Variants in ARID4B observed in about 807,000 individuals in gnomAD.
The protein encoded by ARID4B is AT-rich interaction domain 4B, also known as AT-rich interactive domain-containing protein 4B.
A neutral mutation model predicts 147.5 loss-of-function variants in ARID4B; 26 were observed. The observed-to-expected ratio is 0.18, with a 90% CI of 0.13 to 0.24. ARID4B has a LOEUF of 0.24. Ranked by LOEUF, ARID4B falls within the 10% of genes least tolerant of loss-of-function variation. The pLI is 1.00. For missense variants in ARID4B, 1,179 were observed against 1,511.5 expected (o/e 0.78, Z 3.65); for synonymous variants, 512 against 507.9 (o/e 1.01, Z -0.11).
intron 22 of ARID4B, among the ~76,000 whole-genome samples, chr1:235,173,945 T>C (rs911268658): frequency 3.3e-5 from 5 of 150,354 alleles, no homozygotes; most frequent in Admixed American, 2.0e-4. Context: ...TAATCATCAA[T>C]TTATGGCAAA....
chr1:235,292,725 A>G (rs1318836904), intron 2 of ARID4B, among the ~76,000 whole-genome samples: 1 of 152,210 alleles, frequency 6.6e-6, no homozygotes, highest in Non-Finnish European at 1.5e-5. Flanking sequence ...GGTAAGGTAA[A>G]ACTCATCCAG....
chr1:235,284,220 C>T (rs1430113437), intron 2 of ARID4B, among the ~76,000 whole-genome samples: 1 of 152,094 alleles, frequency 6.6e-6, no homozygotes, highest in African/African-American at 2.4e-5. Flanking sequence ...ATTAGCTGGA[C>T]GTGGTGGCAG....
Position 235,182,612 on chromosome 1 carries a change from C to T in ARID4B, c.2307G>A (p.Leu769=). 3 of 1,613,404 alleles carry T rather than the reference C, an allele frequency of 1.9e-6. No homozygotes were observed. Among genetic ancestry groups the T allele is most frequent in the Non-Finnish European group, 2.5e-6 (3 of 1,179,876 alleles). ...ATTTTGACACTGGTTTGGATATTAC[C>T]AAATCTGCATGAACTTTGTTTTCTT... ...LLEENKVHAD[L]VISKPVSKSP... is the part of the protein sequence containing the mutation. The change falls in exon 20 of 24, where the codon TTG becomes TTA. Residue 769 remains leucine (L), a synonymous_variant. Transcript: ENST00000264183.
chr1:235,319,017 T>A (rs996317591), intron 2 of ARID4B, among the ~76,000 whole-genome samples: 1 of 152,032 alleles, frequency 6.6e-6, no homozygotes, highest in African/African-American at 2.4e-5. Context: ...TAGCTAGGGA[T>A]AAGTAACGTG....
intron 2 of ARID4B, among the ~76,000 whole-genome samples, chr1:235,299,027 G>A (rs1196736349): frequency 6.6e-6 from 1 of 152,128 alleles, no homozygotes; most frequent in Non-Finnish European, 1.5e-5. Context: ...GCAGAGGCAA[G>A]AGGATGGCTT....
chr1:235,236,401 T>G (rs762313965), intron 8 of ARID4B, among the ~76,000 whole-genome samples: 7 of 152,054 alleles, frequency 4.6e-5, no homozygotes, highest in Non-Finnish European at 7.4e-5. Context: ...AACTTTTTAG[T>G]GATTATGGTG....
chr1:235,309,529 C>T (rs1291562195), intron 2 of ARID4B, among the ~76,000 whole-genome samples: 5 of 148,142 alleles, frequency 3.4e-5, no homozygotes, highest in Admixed American at 6.7e-5. Flanking sequence ...CCCGGCCAGC[C>T]GCCCCGTCCG....
chr1:235,303,237 C>T (rs1673313075), intron 2 of ARID4B, among the ~76,000 whole-genome samples: 2 of 152,126 alleles, frequency 1.3e-5, no homozygotes, highest in South Asian at 4.1e-4. Flanking sequence ...AGTTTATATT[C>T]TTAACCAATG....
intron 17 of ARID4B, among the ~76,000 whole-genome samples, chr1:235,204,474 T>C (rs759773910): frequency 2.0e-5 from 3 of 152,284 alleles, no homozygotes; most frequent in Admixed American, 6.5e-5. Context: ...ATAAATATTA[T>C]AGCATAGTCA....
intron 9 of ARID4B, among the ~76,000 whole-genome samples, chr1:235,233,525 C>T (rs1204231634): frequency 6.6e-6 from 1 of 152,084 alleles, no homozygotes; most frequent in Non-Finnish European, 1.5e-5. Flanking sequence ...AACATGATGA[C>T]CTTTTTAAGG....
chr1:235,321,028 C>T lies in ARID4B; in HGVS notation c.6+5886G>A, dbSNP rs192169897. On this transcript the variant is annotated intron_variant, in intron 2 of 23. Coordinates refer to ENST00000264183, the MANE Select transcript of ARID4B (RefSeq NM_016374.6). Reference sequence around the variant, plus strand: ...CCACCATAGTAGAAAGTAAACTCCACGAGGGTAAGAACTCTTGTTCTATTC... The same window carrying T: ...CCACCATAGTAGAAAGTAAACTCCATGAGGGTAAGAACTCTTGTTCTATTC... Among the ~76,000 whole-genome samples, 198 of 152,202 alleles carry T rather than the reference C, an allele frequency of 1.3e-3. No homozygotes were observed. The Middle Eastern group carries it at 0.017, about 13-fold the overall frequency.
At chr1:235,327,697 C>T (rs1233600266) in intron 1 of ARID4B, 72 bp downstream of exon 1, 1 of 152,416 alleles carries the variant, frequency 6.6e-6, no homozygotes, top group Non-Finnish European at 1.5e-5. Flanking sequence ...TTCCTCTGCT[C>T]CTTGGCCGGG....
chr1:235,169,659 CTTT>C (rs761501746), intron 23 of ARID4B, among the ~76,000 whole-genome samples: 2 of 143,670 alleles, frequency 1.4e-5, no homozygotes, highest in Admixed American at 7.0e-5. Flanking sequence ...CCTCAGCCTC[CTTT>C]TTTTTTTTTT....
intron 2 of ARID4B, among the ~76,000 whole-genome samples, chr1:235,305,134 A>G (rs902266658): frequency 2.0e-5 from 3 of 152,230 alleles, no homozygotes; most frequent in Non-Finnish European, 4.4e-5. Flanking sequence ...AAGGATACTT[A>G]TAAGTGAAAG....
intron 7 of ARID4B, among the ~76,000 whole-genome samples, chr1:235,244,756 A>T (rs1306089741): frequency 6.6e-6 from 1 of 152,228 alleles, no homozygotes; most frequent in African/African-American, 2.4e-5. Flanking sequence ...TTAAATGGCA[A>T]TCTGAGATCA....
chr1:235,280,871 C>T lies in ARID4B; in HGVS notation c.7-20119G>A, dbSNP rs115106523. 8.2e-3 allele frequency among the ~76,000 whole-genome samples: 1,249 copies of T among 152,090 alleles called. 6 individuals are homozygous for T. The highest frequency in any genetic ancestry group is 0.013 in the Non-Finnish European group (904 of 67,986). On this transcript the variant is annotated intron_variant, in intron 2 of 23. Coordinates refer to ENST00000264183, the MANE Select transcript of ARID4B (RefSeq NM_016374.6). ...TGTACAGAGAGGCCTTGTGTTGACCCGAGCACGTTTTTTGAAAGAAATTCT... is the reference window on the plus strand; with the variant it reads ...TGTACAGAGAGGCCTTGTGTTGACCTGAGCACGTTTTTTGAAAGAAATTCT...
At chr1:235,237,778 T>C (rs1290332330) in intron 8 of ARID4B, among the ~76,000 whole-genome samples, 2 of 152,198 alleles carry the variant, frequency 1.3e-5, no homozygotes, top group Non-Finnish European at 2.9e-5. Flanking sequence ...GTCTCTGCAA[T>C]TGTTAGTCAA....
In ARID4B at chr1:235,269,775, T is replaced by C. The variant is rs563035553; in HGVS notation, c.7-9023A>G. Among the ~76,000 whole-genome samples, 13 of 152,164 alleles carry C rather than the reference T, an allele frequency of 8.5e-5. No individual in the cohort carries two copies. The East Asian group carries it at 1.9e-3, about 23-fold the overall frequency. ...GAATGTTAACAACTGGCCAGTCTGG[T>C]GAAGGAGATTACATGAACTATTTAT... On this transcript the variant is annotated intron_variant, in intron 2 of 23. Transcript: ENST00000264183.
At chr1:235,224,655 TTATC>T (rs1558220670) in intron 12 of ARID4B, 44 bp downstream of exon 12, 1 of 1,243,834 alleles carries the variant, frequency 8.0e-7, no homozygotes, top group Admixed American at 1.9e-5. Flanking sequence ...AAGATACTAA[TTATC>T]TGTCCAAAAC....
Sources: gnomAD v4.1 joint callset for allele counts (sites outside exome capture counted in the v4.1 genomes callset) on GRCh38, gnomAD v4.1.1 for gene constraint, MANE v1.5 for transcripts, NCBI Gene and HGNC (gene_info 2026-07-23, HGNC 2026-07-21) for gene names.